Variants in SCAMP4 observed in about 807,000 individuals in gnomAD.
SCAMP4 encodes secretory carrier membrane protein 4.
A neutral mutation model predicts 32.1 loss-of-function variants in SCAMP4; 19 were observed. That is an observed-to-expected ratio of 0.59 (90% CI 0.41 to 0.87). SCAMP4 has a LOEUF of 0.87. Ranked by LOEUF, SCAMP4 falls within the 40% of genes least tolerant of loss-of-function variation. The probability of loss-of-function intolerance (pLI) is 0.00; values close to 1 mark genes in which losing one functional copy is unlikely to be tolerated. For missense variants in SCAMP4, 302 were observed against 309.0 expected, an observed-to-expected ratio of 0.98 and a Z score of 0.17; for synonymous variants, 152 against 132.7, an observed-to-expected ratio of 1.15 and a Z score of -1.00.
chr19:1,923,025 T>C, intron 5 of SCAMP4, 45 bp from the exon 6 acceptor site: 1 of 1,491,740 alleles, frequency 6.7e-7, no homozygotes, highest in Non-Finnish European at 9.0e-7. Flanking sequence ...TGGGCCCTCA[T>C]CCAGCAGGTG....
At position 1,922,819 on chromosome 19, in the gene SCAMP4, C is replaced by T. The variant is rs543985821; in HGVS notation, c.396-251C>T. 5.6e-5 allele frequency: 67 copies of T among 1,192,744 alleles called. No homozygotes were observed. The African/African-American group carries it at 6.2e-4, about 11-fold the overall frequency. 73.9% of individuals were successfully genotyped at this position (1,192,744 alleles called of 1,614,324 possible). On this transcript the variant is annotated intron_variant, in intron 5 of 6. Coordinates refer to ENST00000316097, the MANE Select transcript of SCAMP4 (RefSeq NM_079834.4). ...GTGAAGGGATAAGGTTGTGTTCACG[C>T]GTCGAAGTTTGTGTCCACTGCACAC... is the stretch of plus-strand genomic sequence containing the variant.
chr19:1,909,733 T>G (rs572475322), intron 1 of SCAMP4, among the ~76,000 whole-genome samples: 2 of 152,262 alleles, frequency 1.3e-5, no homozygotes, highest in Non-Finnish European at 2.9e-5. Context: ...TCCCAGCTCT[T>G]CCCGCAGCCC....
intron 5 of SCAMP4, chr19:1,921,074 G>A: frequency 1.0e-6 from 1 of 985,446 alleles, no homozygotes; most frequent in Middle Eastern, 5.2e-4. Flanking sequence ...TGTAATGAGA[G>A]AAATCAAACC....
In SCAMP4 at chr19:1,923,920, C is replaced by T. The variant is rs368412365; in HGVS notation, c.514-188C>T. ...GATGACAGGCGTGAGCCACCGTGCC[C>T]GGCCTATTTTTTATATTGTAGTAGA... On this transcript the variant is annotated intron_variant, in intron 6 of 6. Coordinates refer to ENST00000316097, the MANE Select transcript of SCAMP4 (RefSeq NM_079834.4). Among the ~76,000 whole-genome samples, 11 of 96,514 alleles carry T rather than the reference C, an allele frequency of 1.1e-4. 1 individual carries two copies. The highest frequency in any genetic ancestry group is 3.7e-4 in the South Asian group (1 of 2,674). The allele number at this position is 96,514 out of a possible 152,430, so 63.3% of individuals were successfully genotyped here.
chr19:1,910,162 CCT>C (rs567247191), intron 1 of SCAMP4, among the ~76,000 whole-genome samples: 171 of 152,304 alleles, frequency 1.1e-3, no homozygotes, highest in African/African-American at 3.7e-3. Context: ...ATGGCTGGCT[CCT>C]CTCTGCGGGG....
intron 4 of SCAMP4, chr19:1,918,527 C>T (rs1468985598): frequency 1.7e-5 from 9 of 539,056 alleles, no homozygotes; most frequent in Admixed American, 3.5e-5. Flanking sequence ...TTTGGGAGGC[C>T]GAGGCAGGCG....
intron 5 of SCAMP4, chr19:1,920,769 C>G (rs1270674312): frequency 1.0e-6 from 1 of 985,458 alleles, no homozygotes; most frequent in African/African-American, 1.7e-5. Context: ...AGCCGCCTCC[C>G]CGGTGCGTCC....
chr19:1,921,488 C>T (rs1044306462), intron 5 of SCAMP4: 16 of 985,302 alleles, frequency 1.6e-5, no homozygotes, highest in Non-Finnish European at 9.6e-6. Flanking sequence ...CGGACATCAG[C>T]GGGCGCCGCA....
Position 1,908,634 on chromosome 19 carries a change from A to AGGT in SCAMP4, c.-42+3196_-42+3198dup, listed in dbSNP as rs1320252335. On this transcript the variant is annotated intron_variant, in intron 1 of 6. Transcript: ENST00000316097. The surrounding 1 kb of genome is among the most constrained non-coding windows in gnomAD (Gnocchi z 4.2). ...CTGCTAGAAATAACTGTGAGCACAC[A>AGGT]GGTAGTAAGGTTTTTAGGATTTTAT... is the stretch of plus-strand genomic sequence containing the variant. 1 of 459,918 alleles carries AGGT rather than the reference A, an allele frequency of 2.2e-6. No homozygotes were observed. Among genetic ancestry groups the AGGT allele is most frequent in the Non-Finnish European group, 4.5e-6 (1 of 223,158 alleles). The allele number at this position is 459,918 out of a possible 1,614,324, so 28.5% of individuals were successfully genotyped here.
intron 1 of SCAMP4, chr19:1,912,152 G>T: frequency 6.4e-7 from 1 of 1,567,724 alleles, no homozygotes; most frequent in Non-Finnish European, 8.6e-7. Flanking sequence ...CCGGGAGCCC[G>T]GAGCCTGAGC....
intron 1 of SCAMP4, chr19:1,912,011 A>ACTCCCCGGCT: frequency 7.1e-7 from 1 of 1,414,126 alleles, no homozygotes; most frequent in Non-Finnish European, 9.2e-7. Flanking sequence ...CCCGGGACGG[A>ACTCCCCGGCT]CTCCCCGGCT....
intron 5 of SCAMP4, chr19:1,920,635 C>T: frequency 2.0e-6 from 2 of 985,470 alleles, no homozygotes; most frequent in Non-Finnish European, 2.4e-6. Context: ...TGGGGTGCTT[C>T]CCCCTCCTGC....
Position 1,918,180 on chromosome 19 carries a change from G to A in SCAMP4, c.190G>A (p.Gly64Ser), listed in dbSNP as rs779044597. The A allele has an allele frequency of 8.1e-6, 13 of 1,612,738 alleles. No homozygotes were observed. In the East Asian group the frequency reaches 1.1e-4, roughly 14 times the overall value. The change falls in exon 4 of 7, where the codon GGC becomes AGC. Residue 64 changes from glycine (G) to serine (S), a missense_variant. Coordinates refer to ENST00000316097, the MANE Select transcript of SCAMP4 (RefSeq NM_079834.4). ...CATTGCCTGCCTGGCCTGGTGGATC[G>A]GCGGAGGCTCGGGGACCAACTTCGG... is the stretch of plus-strand genomic sequence containing the variant. ...NLIACLAWWI[G>S]GGSGTNFGLA... is the part of the protein sequence containing the mutation.
intron 1 of SCAMP4, among the ~76,000 whole-genome samples, chr19:1,909,571 TTCACCTGTGCCAGCAGCAGGGATGTCC>T (rs58830313): frequency 0.19 from 29,472 of 151,676 alleles, 3,425 homozygotes; most frequent in African/African-American, 0.32. Context: ...CTGGGATGTC[TTCACCTGTGCCAGCAGCAGGGATGTCC>T]TCACCTGTGC....
chr19:1,912,767 C>A, intron 1 of SCAMP4: 1 of 1,561,340 alleles, frequency 6.4e-7, no homozygotes, highest in Non-Finnish European at 8.6e-7. Flanking sequence ...TCCTGCACGC[C>A]GTCATGGTGT....
chr19:1,909,734 C>T (rs997802832), intron 1 of SCAMP4, among the ~76,000 whole-genome samples: 5 of 152,210 alleles, frequency 3.3e-5, no homozygotes, highest in Non-Finnish European at 7.3e-5. Flanking sequence ...CCCAGCTCTT[C>T]CCGCAGCCCC....
At position 1,924,226 on chromosome 19, in the gene SCAMP4, A is replaced by G; in HGVS notation, c.632A>G (p.Asn211Ser). The change falls in exon 7 of 7, where the codon AAC becomes AGC. Residue 211 changes from asparagine (N) to serine (S), a missense_variant. Physicochemically the swap from Asn to Ser is conservative, Grantham distance 46. Coordinates refer to ENST00000316097, the MANE Select transcript of SCAMP4 (RefSeq NM_079834.4). ...REAQYNNFSG[N>S]SLPEYPTVPS... ...GCCCAGTACAACAACTTCTCAGGCA[A>G]CAGCCTGCCCGAGTACCCCACTGTG... 1 of 1,607,310 alleles carries G rather than the reference A, an allele frequency of 6.2e-7. No individual in the cohort carries two copies. The highest frequency in any genetic ancestry group is 1.1e-5 in the South Asian group (1 of 89,938).
At chr19:1,913,544 T>C (rs769529171) in intron 1 of SCAMP4, 2 of 230,268 alleles carry the variant, frequency 8.7e-6, no homozygotes, top group East Asian at 2.6e-4. Flanking sequence ...GGGGACCTGC[T>C]GAGCCACGTG....
intron 2 of SCAMP4, chr19:1,915,293 C>G: frequency 1.7e-6 from 1 of 574,600 alleles, no homozygotes; most frequent in Non-Finnish European, 3.1e-6. Context: ...CACAGCTGCT[C>G]TTTCCTTATA....
Sources: allele counts gnomAD v4.1 joint callset (sites outside exome capture counted in the v4.1 genomes callset), GRCh38; gene constraint gnomAD v4.1.1; non-coding constraint Gnocchi (gnomAD v3.1); transcripts MANE v1.5; gene names NCBI Gene and HGNC (gene_info 2026-07-23, HGNC 2026-07-21).